Variants in ROBO2 observed in about 807,000 individuals in gnomAD.
The protein encoded by ROBO2 is roundabout homolog 2.
A neutral mutation model predicts 160.8 loss-of-function variants in ROBO2; 53 were observed. That is an observed-to-expected ratio of 0.33 (90% CI 0.26 to 0.41). The LOEUF is 0.41. Among genes scored for constraint, ROBO2 ranks in the 10% least tolerant of loss-of-function variants. ROBO2 has a pLI of 1.00. For missense variants in ROBO2, 1,577 were observed against 1,722.4 expected (o/e 0.92, Z 1.49); for synonymous variants, 664 against 611.7 (o/e 1.09, Z -1.26).
chr3:77,482,941 A>C (rs1397905555), intron 4 of ROBO2, among the ~76,000 whole-genome samples: 1 of 152,176 alleles, frequency 6.6e-6, no homozygotes, highest in Admixed American at 6.6e-5. Context: ...TTACAGAAGC[A>C]ATTAGACTTA....
At chr3:76,209,688 A>T in intron 2 of ROBO2, among the ~76,000 whole-genome samples, 1 of 152,270 alleles carries the variant, frequency 6.6e-6, no homozygotes, top group East Asian at 1.9e-4. Context: ...TAATTCTTGT[A>T]CAAAGATGTA....
At chr3:77,622,826 T>C (rs2094929460) in intron 23 of ROBO2, among the ~76,000 whole-genome samples, 1 of 152,192 alleles carries the variant, frequency 6.6e-6, no homozygotes, top group South Asian at 2.1e-4. Flanking sequence ...TTTCACTCTG[T>C]AAAATCATTC....
At chr3:77,557,093 C>A (rs1206034624) in intron 8 of ROBO2, among the ~76,000 whole-genome samples, 1 of 151,814 alleles carries the variant, frequency 6.6e-6, no homozygotes. Flanking sequence ...TCTAAAAGCA[C>A]TGAAATGCTA....
At chr3:76,656,081 C>A (rs201335384) in intron 2 of ROBO2, among the ~76,000 whole-genome samples, 2 of 151,920 alleles carry the variant, frequency 1.3e-5, no homozygotes, top group Middle Eastern at 3.2e-3. Context: ...GTGTACTAAG[C>A]AAAAACAGCC....
intron 5 of ROBO2, among the ~76,000 whole-genome samples, chr3:77,521,340 G>A (rs1182637105): frequency 1.3e-5 from 2 of 151,186 alleles, no homozygotes; most frequent in African/African-American, 4.8e-5. Flanking sequence ...CTATGTTTGG[G>A]AGTGTGGATA....
intron 2 of ROBO2, among the ~76,000 whole-genome samples, chr3:76,463,634 C>T (rs1395864347): frequency 6.6e-6 from 1 of 152,124 alleles, no homozygotes; most frequent in Non-Finnish European, 1.5e-5. Context: ...ATAGTTACCA[C>T]CTGGTACAAG....
intron 2 of ROBO2, among the ~76,000 whole-genome samples, chr3:76,297,808 G>A (rs960415336): frequency 4.0e-4 from 61 of 151,672 alleles, no homozygotes; most frequent in Non-Finnish European, 6.3e-4. Flanking sequence ...ATGAAGAAGT[G>A]TGTTTAGAAG....
At chr3:76,514,665 C>T (rs1553780735) in intron 2 of ROBO2, among the ~76,000 whole-genome samples, 1 of 152,082 alleles carries the variant, frequency 6.6e-6, no homozygotes, top group Admixed American at 6.5e-5. Flanking sequence ...ACTTTTATTT[C>T]TTTTTTTGGA....
intron 2 of ROBO2, among the ~76,000 whole-genome samples, chr3:76,515,450 C>T (rs2081304220): frequency 5.9e-5 from 9 of 151,476 alleles, no homozygotes; most frequent in Admixed American, 5.3e-4. Context: ...CCTTTCAAAA[C>T]AAAACTGGAT....
intron 2 of ROBO2, among the ~76,000 whole-genome samples, chr3:77,410,489 T>TTCC (rs1178958922): frequency 8.2e-5 from 12 of 145,920 alleles, no homozygotes; most frequent in Non-Finnish European, 1.2e-4. Flanking sequence ...TCCCTCTTCT[T>TTCC]TCCTCCTCCT....
At chr3:76,978,906 G>T (rs1019170281) in intron 2 of ROBO2, among the ~76,000 whole-genome samples, 2 of 150,934 alleles carry the variant, frequency 1.3e-5, no homozygotes, top group African/African-American at 2.4e-5. Context: ...GAGTACAAGT[G>T]CAGTTTTAGA....
intron 2 of ROBO2, among the ~76,000 whole-genome samples, chr3:76,863,779 A>G (rs1343973673): frequency 6.6e-6 from 1 of 152,096 alleles, no homozygotes; most frequent in African/African-American, 2.4e-5. Flanking sequence ...TGTGACTATA[A>G]AGACAATAAC....
At chr3:75,938,464 G>A (rs1047688787) in intron 2 of ROBO2, among the ~76,000 whole-genome samples, 7 of 151,858 alleles carry the variant, frequency 4.6e-5, no homozygotes, top group African/African-American at 1.7e-4. Context: ...TTTCCTTTTG[G>A]GGCAAGTATA....
chr3:76,224,714 C>A (rs1383903782), intron 2 of ROBO2, among the ~76,000 whole-genome samples: 3 of 147,568 alleles, frequency 2.0e-5, no homozygotes, highest in Non-Finnish European at 3.0e-5. Context: ...AACCTTGAAT[C>A]CTGAGTATCC....
At chr3:76,653,577 C>CT (rs200304813) in intron 2 of ROBO2, among the ~76,000 whole-genome samples, 8 of 151,784 alleles carry the variant, frequency 5.3e-5, no homozygotes, top group Non-Finnish European at 8.8e-5. Context: ...TACTATCCTG[C>CT]TTTTTTTTAA....
At chr3:76,690,235 G>T (rs1231324662) in intron 2 of ROBO2, among the ~76,000 whole-genome samples, 2 of 152,110 alleles carry the variant, frequency 1.3e-5, no homozygotes, top group Non-Finnish European at 1.5e-5. Context: ...TGGAGTATCT[G>T]TGGAGCCATA....
intron 16 of ROBO2, among the ~76,000 whole-genome samples, chr3:77,588,008 A>C (rs2153683057): frequency 6.6e-6 from 1 of 152,212 alleles, no homozygotes; most frequent in East Asian, 1.9e-4. Context: ...CTAGTTCTAG[A>C]ATAATCTTAG....
intron 2 of ROBO2, chr3:76,434,248 G>T: frequency 2.0e-6 from 2 of 1,003,884 alleles, no homozygotes; most frequent in South Asian, 1.3e-5. Context: ...ACGTTGGAGC[G>T]AGCGCTGTTG....
At chr3:76,414,146 A>C (rs1231210803) in intron 2 of ROBO2, among the ~76,000 whole-genome samples, 1 of 149,206 alleles carries the variant, frequency 6.7e-6, no homozygotes, top group East Asian at 1.9e-4. Flanking sequence ...TGATTCAATT[A>C]CCTCCCCCTG....
Sources: allele counts gnomAD v4.1 joint callset (sites outside exome capture counted in the v4.1 genomes callset), GRCh38; gene constraint gnomAD v4.1.1; transcripts MANE v1.5; gene names NCBI Gene and HGNC (gene_info 2026-07-23, HGNC 2026-07-21).